YWHAE: variants seen among roughly 807,000 people sequenced by gnomAD.
YWHAE encodes the protein tyrosine 3-monooxygenase/tryptophan 5-monooxygenase activation protein epsilon.
In YWHAE, 4 loss-of-function variants were observed where a neutral mutation model predicts 30.1. That is an observed-to-expected ratio of 0.13 (90% CI 0.07 to 0.30). The LOEUF (loss-of-function observed/expected upper bound fraction) is 0.30. Ranked by LOEUF, YWHAE falls within the 10% of genes least tolerant of loss-of-function variation. YWHAE has a pLI of 1.00. For missense variants in YWHAE, 121 were observed against 315.9 expected (o/e 0.38, Z 4.68); for synonymous variants, 118 against 111.8 (o/e 1.06, Z -0.35).
intron 1 of YWHAE, among the ~76,000 whole-genome samples, chr17:1,398,059 G>GT (rs922867189): frequency 6.6e-6 from 1 of 152,112 alleles, no homozygotes; most frequent in Non-Finnish European, 1.5e-5. Flanking sequence ...TTTCAAATCA[G>GT]TTTTTTAAAG....
At chr17:1,386,131 G>GA (rs1215670420) in intron 1 of YWHAE, among the ~76,000 whole-genome samples, 1 of 152,148 alleles carries the variant, frequency 6.6e-6, no homozygotes, top group Non-Finnish European at 1.5e-5. Flanking sequence ...GATAACAAGT[G>GA]AAAGAAATAG....
At chr17:1,358,397 G>C (rs1476050079) in intron 4 of YWHAE, among the ~76,000 whole-genome samples, 2 of 151,952 alleles carry the variant, frequency 1.3e-5, no homozygotes, top group African/African-American at 2.4e-5. Context: ...CCGCCACCAC[G>C]CCCGGCTGAT....
chr17:1,345,656 A>G (rs1336693319), intron 5 of YWHAE, among the ~76,000 whole-genome samples, 157 bp from the exon 6 acceptor site: 2 of 152,206 alleles, frequency 1.3e-5, no homozygotes. Context: ...GACACCTGAG[A>G]TGCCTAAGCC....
rs137855425 is a variant in YWHAE, at chr17:1,378,038, A to G, written c.65-12980T>C. Among the ~76,000 whole-genome samples, 688 of 152,328 alleles carry G rather than the reference A, an allele frequency of 4.5e-3. 3 individuals carry two copies. Among genetic ancestry groups the G allele is most frequent in the African/African-American group, 0.015 (621 of 41,572 alleles). On this transcript the variant is annotated intron_variant, in intron 1 of 5. Coordinates refer to ENST00000264335, the MANE Select transcript of YWHAE (RefSeq NM_006761.5). The stretch of plus-strand genomic sequence containing the variant: ...CACTCCAGCCTGGGCAACAGAGGTG[A>G]GACTCCGTCTCAAAATAAAAGTCTC...
intron 1 of YWHAE, among the ~76,000 whole-genome samples, chr17:1,371,924 C>T (rs757635510): frequency 2.0e-5 from 3 of 151,666 alleles, no homozygotes; most frequent in South Asian, 2.1e-4. Flanking sequence ...CTGCAACCTC[C>T]GTCTCCTGGG....
intron 5 of YWHAE, among the ~76,000 whole-genome samples, chr17:1,347,000 A>G (rs2072530925): frequency 6.7e-6 from 1 of 149,890 alleles, no homozygotes; most frequent in South Asian, 2.1e-4. Context: ...CAAAAAAAAA[A>G]AAAAAAGAAT....
chr17:1,350,755 AAAT>A (rs995842994), intron 5 of YWHAE, among the ~76,000 whole-genome samples: 4 of 148,940 alleles, frequency 2.7e-5, no homozygotes, highest in Non-Finnish European at 4.4e-5. Context: ...GTTTTTATTA[AAAT>A]AATAATAATA....
chr17:1,344,723 G>T lies in YWHAE; in HGVS notation c.*724C>A. ...CGAGCGAAGGAGGGGAGGAGTGAGGGGAAGGAGGTAGGGGGAGGGGGAAGG... is the reference window on the plus strand; with the variant it reads ...CGAGCGAAGGAGGGGAGGAGTGAGGTGAAGGAGGTAGGGGGAGGGGGAAGG... On this transcript the variant is annotated 3_prime_UTR_variant, in exon 6 of 6. Coordinates refer to ENST00000264335, the MANE Select transcript of YWHAE (RefSeq NM_006761.5). 4.3e-6 allele frequency: 1 copy of T among 232,884 alleles called. No individual in the cohort carries two copies. The highest frequency in any genetic ancestry group is 6.1e-5 in the East Asian group (1 of 16,520). The allele number at this position is 232,884 out of a possible 1,614,324, so 14.4% of individuals were successfully genotyped here.
intron 1 of YWHAE, among the ~76,000 whole-genome samples, chr17:1,391,991 T>C (rs980695785): frequency 6.6e-6 from 1 of 151,780 alleles, no homozygotes; most frequent in Non-Finnish European, 1.5e-5. Context: ...CCGAGGCAGG[T>C]GAATCTTGAG....
chr17:1,398,209 A>AG (rs34828082), intron 1 of YWHAE, among the ~76,000 whole-genome samples: 1 of 152,182 alleles, frequency 6.6e-6, no homozygotes, highest in Non-Finnish European at 1.5e-5. Flanking sequence ...ACAGATTAAG[A>AG]GGGGAACATC....
At chr17:1,349,449 C>T (rs1382111697) in intron 5 of YWHAE, among the ~76,000 whole-genome samples, 1 of 152,156 alleles carries the variant, frequency 6.6e-6, no homozygotes, top group East Asian at 1.9e-4. Context: ...GGAATGTCAA[C>T]AGACCACCTG....
chr17:1,387,805 G>C (rs1183738100), intron 1 of YWHAE, among the ~76,000 whole-genome samples: 1 of 146,730 alleles, frequency 6.8e-6, no homozygotes, highest in Non-Finnish European at 1.5e-5. Flanking sequence ...TGTATATTTA[G>C]TAGAGACGGG....
At chr17:1,360,983 A>G (rs2072855087) in intron 4 of YWHAE, 109 bp downstream of exon 4, 3 of 992,434 alleles carry the variant, frequency 3.0e-6, no homozygotes, top group African/African-American at 1.6e-5. Flanking sequence ...CAAAAGAATT[A>G]CTATGCAGCC....
At position 1,396,923 on chromosome 17, in the gene YWHAE, C is replaced by CTTT. The variant is rs796641845; in HGVS notation, c.64+3121_64+3123dup. Among the ~76,000 whole-genome samples, 7 of 137,406 alleles carry CTTT rather than the reference C, an allele frequency of 5.1e-5. No individual in the cohort carries two copies. The East Asian group carries it at 8.5e-4, about 17-fold the overall frequency. The allele number at this position is 137,406 out of a possible 152,430, so 90.1% of individuals were successfully genotyped here. A position where few individuals can be genotyped will look rare whatever the true frequency, so the allele number is the denominator to read the frequency against. On this transcript the variant is annotated intron_variant, in intron 1 of 5. Transcript: ENST00000264335. ...AGGCATGAGCCACCGCACCTGGCCT[C>CTTT]TTTTTTTTTTTTTTGGAGACAAGAG...
intron 1 of YWHAE, among the ~76,000 whole-genome samples, chr17:1,388,258 T>C (rs1304841360): frequency 6.7e-6 from 1 of 149,416 alleles, no homozygotes; most frequent in East Asian, 2.1e-4. Context: ...GGCTCACGCC[T>C]GTAATCCCAG....
chr17:1,356,020 T>A (rs2072734901), intron 4 of YWHAE, among the ~76,000 whole-genome samples: 1 of 152,022 alleles, frequency 6.6e-6, no homozygotes, highest in South Asian at 2.1e-4. Flanking sequence ...TACAAAAAAA[T>A]TAGCCGGGAG....
chr17:1,399,982 C>G (rs375324773), intron 1 of YWHAE, 65 bp downstream of exon 1: 234 of 1,595,498 alleles, frequency 1.5e-4, no homozygotes, highest in African/African-American at 2.9e-4. Flanking sequence ...TCTCCTGTTC[C>G]CGGCCTCTGT....
chr17:1,394,891 CA>C (rs2073445164), intron 1 of YWHAE, among the ~76,000 whole-genome samples: 1 of 151,882 alleles, frequency 6.6e-6, no homozygotes, highest in Non-Finnish European at 1.5e-5. Context: ...CGCTTGAACC[CA>C]GGGGGCAGAG....
intron 4 of YWHAE, among the ~76,000 whole-genome samples, chr17:1,357,663 C>T (rs917141700): frequency 5.3e-5 from 8 of 151,734 alleles, no homozygotes; most frequent in East Asian, 1.9e-4. Flanking sequence ...CAGTGGCTCA[C>T]GCCTGTAATC....
Sources: allele counts gnomAD v4.1 joint callset (sites outside exome capture counted in the v4.1 genomes callset), GRCh38; gene constraint gnomAD v4.1.1; transcripts MANE v1.5; gene names NCBI Gene and HGNC (gene_info 2026-07-23, HGNC 2026-07-21).